MYH9: variants seen among roughly 807,000 people sequenced by gnomAD.
MYH9 encodes myosin heavy chain 9.
In MYH9, 29 loss-of-function variants were observed where a neutral mutation model predicts 241.9. The ratio of observed to expected loss-of-function variants is 0.12; its 90% CI spans 0.09 to 0.16. MYH9 has a LOEUF of 0.16. Ranked by LOEUF, MYH9 falls within the 10% of genes least tolerant of loss-of-function variation. MYH9 has a pLI of 1.00. For missense variants in MYH9, 1,803 were observed against 2,595.5 expected (o/e 0.69, Z 6.63); for synonymous variants, 1,047 against 1,062.6 (o/e 0.99, Z 0.29).
chr22:36,283,944 C>T (rs2016535128), intron 40 of MYH9, 149 bp downstream of exon 40: 2 of 951,848 alleles, frequency 2.1e-6, no homozygotes, highest in Non-Finnish European at 1.7e-6. Flanking sequence ...GCTAAAGCCT[C>T]AAAGGCAAGG....
rs768467880 is a variant in MYH9 at position 36,288,219 on chromosome 22, G to A, written c.4932+33C>T. On this transcript the variant is annotated intron_variant, in intron 34 of 40. Coordinates refer to ENST00000216181, the MANE Select transcript of MYH9 (RefSeq NM_002473.6). This position sits in a 1 kb window ranked among gnomAD's most constrained non-coding sequence, Gnocchi z 4.8. ...TATGTAGTTGGCTCAGTCGGGTGCC[G>A]CCCACCCTCACCTGGGCCCCGCCCA... is the stretch of plus-strand genomic sequence containing the variant. 30 of 1,611,544 alleles carry A rather than the reference G, an allele frequency of 1.9e-5. No homozygotes were observed. The highest frequency in any genetic ancestry group is 2.5e-5 in the Non-Finnish European group (29 of 1,179,688).
chr22:36,287,122 AGTGCCCATG>A (rs1342274839), intron 34 of MYH9, among the ~76,000 whole-genome samples: 1 of 152,164 alleles, frequency 6.6e-6, no homozygotes, highest in Non-Finnish European at 1.5e-5. Flanking sequence ...GCCGGAAGCC[AGTGCCCATG>A]GTGCCACCCC....
At chr22:36,366,644 G>A (rs2018015719) in intron 1 of MYH9, among the ~76,000 whole-genome samples, 1 of 152,096 alleles carries the variant, frequency 6.6e-6, no homozygotes. Context: ...AACGAAAGAG[G>A]AGCCCACCTT....
At chr22:36,302,708 C>CT in intron 19 of MYH9, 32 bp from the exon 20 acceptor site, 1 of 1,581,370 alleles carries the variant, frequency 6.3e-7, no homozygotes, top group Non-Finnish European at 8.7e-7. Context: ...CAGCGCGGAG[C>CT]AGTGGACAGC....
intron 20 of MYH9, 164 bp downstream of exon 20, chr22:36,302,404 T>A (rs2016893331): frequency 1.6e-6 from 1 of 618,990 alleles, no homozygotes; most frequent in African/African-American, 1.8e-5. Flanking sequence ...TTCCAGCACT[T>A]TGGGAGGCTG....
chr22:36,289,086 C>T lies in MYH9; in HGVS notation c.4556G>A (p.Ser1519Asn), dbSNP rs138193963. 2.7e-5 allele frequency: 43 copies of T among 1,614,002 alleles called. 1 individual carries two copies. The African/African-American group carries it at 4.0e-4, about 15-fold the overall frequency. The change falls in exon 32 of 41, where the codon AGT (serine) becomes AAT (asparagine). Residue 1519 changes from serine (S) to asparagine (N), a missense_variant and splice_region_variant. Coordinates refer to ENST00000216181, the MANE Select transcript of MYH9 (RefSeq NM_002473.6). ...CTGGCTGCCAGGCCCAGGACTCACA[C>T]TCTTGCCCACATCATCCTTGGAGCT... ...LMSSKDDVGK[S>N]VHELEKSKRA...
rs773308444 is a variant in MYH9, at chr22:36,285,092, T to G, written c.5483+29A>C. On this transcript the variant is annotated intron_variant, in intron 38 of 40. Coordinates refer to ENST00000216181, the MANE Select transcript of MYH9 (RefSeq NM_002473.6). The surrounding 1 kb of genome is among the most constrained non-coding windows in gnomAD (Gnocchi z 7.0). Reference sequence around the variant, plus strand: ...GGGCCAGAGTTTTTTCCAGGACAGCTGGGGTTGGGCGGGGCCAGGGGCACG... The same window carrying G: ...GGGCCAGAGTTTTTTCCAGGACAGCGGGGGTTGGGCGGGGCCAGGGGCACG... 1 of 1,608,710 alleles carries G rather than the reference T, an allele frequency of 6.2e-7. No individual in the cohort carries two copies. The highest frequency in any genetic ancestry group is 1.1e-5 in the South Asian group (1 of 90,838).
At chr22:36,327,168 T>G (rs895163504) in intron 4 of MYH9, among the ~76,000 whole-genome samples, 1 of 152,150 alleles carries the variant, frequency 6.6e-6, no homozygotes, top group African/African-American at 2.4e-5. Flanking sequence ...ACGGAGGAGC[T>G]GGTTCCCAGC....
chr22:36,368,179 C>T (rs1174352412), intron 1 of MYH9, among the ~76,000 whole-genome samples: 1 of 152,202 alleles, frequency 6.6e-6, no homozygotes, highest in Non-Finnish European at 1.5e-5. Flanking sequence ...AATGAAAAGG[C>T]CCACCTCCCA....
In MYH9 at chr22:36,312,141, C is replaced by T. The variant is rs376395196; in HGVS notation, c.1636G>A (p.Val546Met). Residue 546 changes from valine (V) to methionine (M), a missense_variant, in exon 14 of 41, where the codon GTG becomes ATG. By Grantham distance (21) the Val-to-Met change is conservative. This residue lies in a region of MYH9 where 163 missense variants were observed against 349.7 expected (regional missense o/e 0.47). Coordinates refer to ENST00000216181, the MANE Select transcript of MYH9 (RefSeq NM_002473.6). ...GGGTGGGTGCCCTGCTCCTGCATCA[C>T]CTTCTCCACGAAGCTCTTGTCGGTG... ...KATDKSFVEK[V>M]MQEQGTHPKF... is the part of the protein sequence containing the mutation. The T allele has an allele frequency of 5.6e-6, 9 of 1,614,066 alleles. No homozygotes were observed. Among genetic ancestry groups the T allele is most frequent in the Non-Finnish European group, 7.6e-6 (9 of 1,180,040 alleles).
intron 1 of MYH9, among the ~76,000 whole-genome samples, chr22:36,355,218 G>A (rs75116240): frequency 6.2e-4 from 94 of 152,194 alleles, no homozygotes; most frequent in South Asian, 1.9e-3. Flanking sequence ...ATAATCGAGC[G>A]GGACACAACC....
intron 4 of MYH9, 46 bp from the exon 5 acceptor site, chr22:36,326,707 C>A: frequency 6.6e-7 from 1 of 1,517,876 alleles, no homozygotes; most frequent in South Asian, 1.1e-5. Flanking sequence ...ATGGCCAAGT[C>A]CTTGACCTCT....
chr22:36,298,520 A>C (rs959998375), intron 24 of MYH9, among the ~76,000 whole-genome samples: 3 of 152,160 alleles, frequency 2.0e-5, no homozygotes, highest in Non-Finnish European at 4.4e-5. Context: ...AAGCTCATGG[A>C]GCTTAAGTCA....
intron 1 of MYH9, among the ~76,000 whole-genome samples, chr22:36,369,482 G>A (rs192403581): frequency 6.0e-4 from 92 of 152,360 alleles, no homozygotes; most frequent in African/African-American, 2.2e-3. Flanking sequence ...AGGAAGGTAC[G>A]AGGGGGCGGT....
chr22:36,321,324 A>G (rs2017247521), intron 7 of MYH9, among the ~76,000 whole-genome samples: 1 of 152,244 alleles, frequency 6.6e-6, no homozygotes, highest in Non-Finnish European at 1.5e-5. Context: ...ATGGCAAAAC[A>G]CAGCAAAAGC....
intron 31 of MYH9, among the ~76,000 whole-genome samples, chr22:36,291,118 G>A (rs903932887): frequency 1.3e-5 from 2 of 150,690 alleles, no homozygotes; most frequent in African/African-American, 4.9e-5. Flanking sequence ...GCCTCTGCCC[G>A]GCCGCCCCTA....
In MYH9 at chr22:36,282,317, T is replaced by C. The variant is rs1049623321; in HGVS notation, c.*351A>G. Reference sequence around the variant, plus strand: ...CTCAGTCTGAAGAAAAATAGATTCATAGAAAACTCTGGCCCCTCCCCGGGG... The same window carrying C: ...CTCAGTCTGAAGAAAAATAGATTCACAGAAAACTCTGGCCCCTCCCCGGGG... On this transcript the variant is annotated 3_prime_UTR_variant, in exon 41 of 41. Coordinates refer to ENST00000216181, the MANE Select transcript of MYH9 (RefSeq NM_002473.6). The C allele has an allele frequency of 6.7e-6, 3 of 444,900 alleles. No homozygotes were observed. The highest frequency in any genetic ancestry group is 3.7e-5 in the Admixed American group (1 of 27,344). The allele number at this position is 444,900 out of a possible 1,614,324, so 27.6% of individuals were successfully genotyped here. A position where few individuals can be genotyped will look rare whatever the true frequency, so the allele number is the denominator to read the frequency against.
chr22:36,385,998 G>A (rs964508679), intron 1 of MYH9, among the ~76,000 whole-genome samples: 2 of 152,088 alleles, frequency 1.3e-5, no homozygotes, highest in Admixed American at 1.3e-4. Context: ...TTTGTCTATG[G>A]CATACTTGGG....
intron 31 of MYH9, among the ~76,000 whole-genome samples, chr22:36,290,813 G>A (rs1450217825): frequency 1.3e-5 from 2 of 151,956 alleles, no homozygotes; most frequent in African/African-American, 4.8e-5. Flanking sequence ...CGTCTGGGAT[G>A]TGAGGAGTGC....
Sources: allele counts gnomAD v4.1 joint callset (sites outside exome capture counted in the v4.1 genomes callset), GRCh38; gene constraint gnomAD v4.1.1; regional missense constraint gnomAD v4.1.1; non-coding constraint Gnocchi (gnomAD v3.1); transcripts MANE v1.5; gene names NCBI Gene and HGNC (gene_info 2026-07-23, HGNC 2026-07-21).